The following AACS variants were observed in gnomAD, a reference collection of about 807,000 sequenced individuals.
AACS encodes acetoacetyl-CoA synthetase.
In AACS, 69 loss-of-function variants were observed where a neutral mutation model predicts 83.1. The ratio of observed to expected loss-of-function variants is 0.83; its 90% confidence interval spans 0.68 to 1.01. The LOEUF (loss-of-function observed/expected upper bound fraction) is 1.01, where lower values mean the gene tolerates loss of function less well. Ranked by LOEUF, AACS falls within the 50% of genes least tolerant of loss-of-function variation. The probability of loss-of-function intolerance (pLI) is 0.00; values close to 1 mark genes in which losing one functional copy is unlikely to be tolerated. For synonymous variants in AACS, 333 were observed against 343.4 expected (o/e 0.97, Z 0.33); for missense variants, 866 against 882.2 (o/e 0.98, Z 0.23).
At position 125,129,212 on chromosome 12, in the gene AACS, C is replaced by A; in HGVS notation, c.1424-123C>A. The A allele has an allele frequency of 7.2e-7, 1 of 1,386,742 alleles. No individual in the cohort carries two copies. Among genetic ancestry groups the A allele is most frequent in the Non-Finnish European group, 9.6e-7 (1 of 1,042,080 alleles). The allele number at this position is 1,386,742 out of a possible 1,614,324, so 85.9% of individuals were successfully genotyped here. On this transcript the variant is annotated intron_variant, in intron 13 of 17. Coordinates refer to ENST00000316519, the MANE Select transcript of AACS (RefSeq NM_023928.5). This position sits in a 1 kb window ranked among gnomAD's most constrained non-coding sequence, Gnocchi z 4.3. Reference sequence around the variant, plus strand: ...TGACAGGTGTGTGGGCGTGGACCATCTCTGTACCTTTGTATATGTCTGGAA... The same window carrying A: ...TGACAGGTGTGTGGGCGTGGACCATATCTGTACCTTTGTATATGTCTGGAA...
At chr12:125,079,213 C>T (rs113464618) in intron 3 of AACS, among the ~76,000 whole-genome samples, 5 of 152,174 alleles carry the variant, frequency 3.3e-5, no homozygotes, top group South Asian at 2.1e-4. Flanking sequence ...TGGGGGGCCT[C>T]GGTGGTGAGT....
intron 9 of AACS, among the ~76,000 whole-genome samples, chr12:125,116,368 A>G (rs1046574805): frequency 1.3e-5 from 2 of 152,160 alleles, no homozygotes; most frequent in Non-Finnish European, 2.9e-5. Context: ...GAGGCATTTC[A>G]TTTTTACTGG....
intron 3 of AACS, among the ~76,000 whole-genome samples, chr12:125,081,979 T>C (rs957146120): frequency 2.0e-5 from 3 of 151,556 alleles, no homozygotes; most frequent in Non-Finnish European, 4.4e-5. Context: ...GGCTTCAAGA[T>C]ATTCTTCTGT....
chr12:125,133,349 C>T (rs958921436), intron 14 of AACS, among the ~76,000 whole-genome samples: 9 of 152,202 alleles, frequency 5.9e-5, no homozygotes, highest in African/African-American at 2.2e-4. Context: ...CTTCATGGTG[C>T]CACCCCAGCG....
chr12:125,132,254 CA>C (rs1298542594), intron 14 of AACS, among the ~76,000 whole-genome samples: 1 of 152,148 alleles, frequency 6.6e-6, no homozygotes, highest in Non-Finnish European at 1.5e-5. Flanking sequence ...GAAGTTTTCA[CA>C]AAAAACATTT....
chr12:125,112,515 C>T (rs1956974507), intron 8 of AACS, among the ~76,000 whole-genome samples: 3 of 151,828 alleles, frequency 2.0e-5, no homozygotes, highest in South Asian at 4.2e-4. Flanking sequence ...CCTGTCTCTC[C>T]TGAAACTAAA....
At chr12:125,086,484 C>A (rs181131082) in intron 4 of AACS, 41 bp downstream of exon 4, 1 of 1,582,058 alleles carries the variant, frequency 6.3e-7, no homozygotes, top group African/African-American at 1.3e-5. Flanking sequence ...AGGGAGGAGA[C>A]CAAGGTAGAA....
chr12:125,113,882 G>C lies in AACS; in HGVS notation c.916-595G>C, dbSNP rs1250074389. On this transcript the variant is annotated intron_variant, in intron 8 of 17. Coordinates refer to ENST00000316519, the MANE Select transcript of AACS (RefSeq NM_023928.5). This position sits in a 1 kb window ranked among gnomAD's most constrained non-coding sequence, Gnocchi z 4.8. Reference sequence around the variant, plus strand: ...GCCTATTAAGCACCAAAATTAAAAGGTAATAGGGCATAGTGGGTGGGAGGG... The same window carrying C: ...GCCTATTAAGCACCAAAATTAAAAGCTAATAGGGCATAGTGGGTGGGAGGG... Among the ~76,000 whole-genome samples, 4 of 152,164 alleles carry C rather than the reference G, an allele frequency of 2.6e-5. No individual in the cohort carries two copies. Among genetic ancestry groups the C allele is most frequent in the African/African-American group, 9.7e-5 (4 of 41,444 alleles).
chr12:125,074,051 G>A, intron 2 of AACS, 72 bp downstream of exon 2: 5 of 1,257,404 alleles, frequency 4.0e-6, no homozygotes, highest in Non-Finnish European at 3.5e-6. Context: ...TAATTTTGGG[G>A]AATACTGAAT....
chr12:125,084,772 G>T (rs894080046), intron 3 of AACS, among the ~76,000 whole-genome samples: 1 of 151,916 alleles, frequency 6.6e-6, no homozygotes, highest in African/African-American at 2.4e-5. Context: ...TTGTAGAGAC[G>T]AGGTTTTACC....
At chr12:125,125,124 C>A in intron 12 of AACS, 100 bp downstream of exon 12, 1 of 1,541,406 alleles carries the variant, frequency 6.5e-7, no homozygotes. Context: ...GGACACAGTC[C>A]GCTGGGCAGC....
At position 125,129,421 on chromosome 12, in the gene AACS, G is replaced by A. The variant is rs750732409; in HGVS notation, c.1510G>A (p.Gly504Ser). ...QPTHFWNDEN[G>S]NKYRKAYFSK... ...CACACACTTCTGGAACGATGAGAAC[G>A]GCAACAAGTACAGGAAGGCGTATTT... The change falls in exon 14 of 18, where the codon GGC becomes AGC. Residue 504 changes from glycine (G) to serine (S), a missense_variant. Transcript: ENST00000316519. This position sits in a 1 kb window ranked among gnomAD's most constrained non-coding sequence, Gnocchi z 4.3. 34 of 1,613,798 alleles carry A rather than the reference G, an allele frequency of 2.1e-5. No homozygotes were observed. Among genetic ancestry groups the A allele is most frequent in the Non-Finnish European group, 2.4e-5 (28 of 1,179,942 alleles).
Position 125,094,481 on chromosome 12 carries a change from G to A in AACS, c.570+2958G>A, listed in dbSNP as rs559986697. On this transcript the variant is annotated intron_variant, in intron 5 of 17. Coordinates refer to ENST00000316519, the MANE Select transcript of AACS (RefSeq NM_023928.5). The surrounding 1 kb of genome is among the most constrained non-coding windows in gnomAD (Gnocchi z 4.1). ...GGGTTCACACGCCTGTCCACTGAGA[G>A]CTCCTCGGCTGGCTGTGCTGGGTGC... 5.0e-4 allele frequency among the ~76,000 whole-genome samples: 76 copies of A among 152,332 alleles called. No homozygotes were observed. Among genetic ancestry groups the A allele is most frequent in the Non-Finnish European group, 1.0e-4 (7 of 68,036 alleles).
At chr12:125,104,033 G>A (rs1186057715) in intron 7 of AACS, among the ~76,000 whole-genome samples, 2 of 123,428 alleles carry the variant, frequency 1.6e-5, no homozygotes, top group African/African-American at 5.8e-5. Context: ...TCTTCATTTT[G>A]AATAGAGATT....
At chr12:125,141,989 A>G (rs3751181) in intron 17 of AACS, 103 bp from the exon 18 acceptor site, 601,179 of 1,456,882 alleles carry the variant, frequency 0.41, 126,619 homozygotes, top group East Asian at 0.61. Context: ...CACTCTTGGC[A>G]CTCCAGGTGG....
At chr12:125,082,224 T>C (rs900107262) in intron 3 of AACS, among the ~76,000 whole-genome samples, 1 of 146,644 alleles carries the variant, frequency 6.8e-6, no homozygotes, top group Non-Finnish European at 1.5e-5. Context: ...CAGATTGGAG[T>C]GCAGTGGTGC....
At chr12:125,070,354 G>T (rs900070124) in intron 1 of AACS, among the ~76,000 whole-genome samples, 2 of 152,126 alleles carry the variant, frequency 1.3e-5, no homozygotes, top group African/African-American at 4.8e-5. Context: ...CAGAGAATGC[G>T]GTTTAGAAGG....
At position 125,065,525 on chromosome 12, in the gene AACS, G is replaced by T; in HGVS notation, c.-60G>T. On this transcript the variant is annotated 5_prime_UTR_variant, in exon 1 of 18. Transcript: ENST00000316519. ...CTCCGGTCCCAGGTCCCCGGCCCTC[G>T]CCTCAGCCCCGGCCCCTGGTCCCCA... 1.4e-6 allele frequency: 2 copies of T among 1,399,088 alleles called. No individual in the cohort carries two copies. Among genetic ancestry groups the T allele is most frequent in the African/African-American group, 3.0e-5 (2 of 65,608 alleles). 86.7% of individuals were successfully genotyped at this position (1,399,088 alleles called of 1,614,324 possible). A position where few individuals can be genotyped will look rare whatever the true frequency, so the allele number is the denominator to read the frequency against.
At chr12:125,116,672 G>A (rs924284337) in intron 9 of AACS, among the ~76,000 whole-genome samples, 3 of 151,950 alleles carry the variant, frequency 2.0e-5, no homozygotes, top group African/African-American at 7.3e-5. Context: ...TCACCGTGTT[G>A]GCCAGGATGG....
Sources: allele counts gnomAD v4.1 joint callset (sites outside exome capture counted in the v4.1 genomes callset), GRCh38; gene constraint gnomAD v4.1.1; non-coding constraint Gnocchi (gnomAD v3.1); transcripts MANE v1.5; gene names NCBI Gene and HGNC (gene_info 2026-07-23, HGNC 2026-07-21).